CRACD: variants seen among roughly 807,000 people sequenced by gnomAD.
CRACD encodes the protein capping protein-inhibiting regulator of actin dynamics.
Under a neutral mutation model 106.8 loss-of-function variants are expected in CRACD, and 56 were observed. The ratio of observed to expected loss-of-function variants is 0.52; its 90% CI spans 0.42 to 0.66. The LOEUF (loss-of-function observed/expected upper bound fraction) is 0.66. CRACD is among the 30% of genes least tolerant of loss of function. The pLI is 0.00. For synonymous variants in CRACD, 754 were observed against 670.8 expected, an observed-to-expected ratio of 1.12 and a Z score of -1.92; for missense variants, 1,730 against 1,623.2, an observed-to-expected ratio of 1.07 and a Z score of -1.13.
chr4:56,087,904 A>C (rs920255720), intron 1 of CRACD, among the ~76,000 whole-genome samples: 2 of 152,000 alleles, frequency 1.3e-5, no homozygotes, highest in South Asian at 2.1e-4. Flanking sequence ...GTCTGCTACC[A>C]TGTCGCTAAT....
chr4:56,297,309 C>A (rs1744109798), intron 3 of CRACD, among the ~76,000 whole-genome samples: 1 of 152,170 alleles, frequency 6.6e-6, no homozygotes, highest in Non-Finnish European at 1.5e-5. Flanking sequence ...CAAGTCCAGA[C>A]TTTCAACTAA....
chr4:56,301,114 A>G (rs13124016), intron 4 of CRACD: 63,216 of 620,794 alleles, frequency 0.1, 3,854 homozygotes, highest in African/African-American at 0.23. Context: ...GGCTTTGTTC[A>G]TTCTTTGAGG....
At chr4:56,241,884 G>C (rs1232746555) in intron 2 of CRACD, among the ~76,000 whole-genome samples, 1 of 152,180 alleles carries the variant, frequency 6.6e-6, no homozygotes, top group Non-Finnish European at 1.5e-5. Context: ...ATGGCCTCAC[G>C]TGAGCAAAAC....
Position 56,149,436 on chromosome 4 carries a change from GAAAGA to G in CRACD, c.-335-29841_-335-29837del, listed in dbSNP as rs1439048336. 1.1e-4 allele frequency among the ~76,000 whole-genome samples: 17 copies of G among 152,254 alleles called. No individual in the cohort carries two copies. The East Asian group carries it at 2.1e-3, about 19-fold the overall frequency. ...TAGTTTGAGATTAGTAATAGAAATGGAAAGAAAAGAAGATTTCTTTTGTGACATTT... is the reference window on the plus strand; with the variant it reads ...TAGTTTGAGATTAGTAATAGAAATGGAAAGAAGATTTCTTTTGTGACATTT... On this transcript the variant is annotated intron_variant, in intron 1 of 10. Transcript: ENST00000682029.
chr4:56,217,278 G>T (rs1738755530), intron 2 of CRACD, among the ~76,000 whole-genome samples: 2 of 152,166 alleles, frequency 1.3e-5, no homozygotes, highest in African/African-American at 4.8e-5. Flanking sequence ...TTTTGCCAAG[G>T]TTAAGGACAT....
chr4:56,318,223 C>T lies in CRACD; in HGVS notation c.3187+1534C>T, dbSNP rs184144513. On this transcript the variant is annotated intron_variant, in intron 8 of 10. Coordinates refer to ENST00000682029, the MANE Select transcript of CRACD (RefSeq NM_001393381.1). ...TGTTGCCCAGGCTGGTCTTGAACTC[C>T]TGGGATCATGCATCCCTCCTGCCTA... Among the ~76,000 whole-genome samples, 407 of 152,198 alleles carry T rather than the reference C, an allele frequency of 2.7e-3. 3 individuals carry two copies. The highest frequency in any genetic ancestry group is 2.4e-3 in the Non-Finnish European group (166 of 68,022).
intron 1 of CRACD, among the ~76,000 whole-genome samples, chr4:56,178,275 C>T (rs576714588): frequency 2.6e-5 from 4 of 152,278 alleles, no homozygotes; most frequent in Admixed American, 1.3e-4. Flanking sequence ...GTAAGTTGGA[C>T]AAAAGGTCCG....
intron 1 of CRACD, among the ~76,000 whole-genome samples, chr4:56,164,820 TAG>T (rs1301341781): frequency 6.6e-6 from 1 of 152,202 alleles, no homozygotes; most frequent in Non-Finnish European, 1.5e-5. Flanking sequence ...AAAACTGTTA[TAG>T]AGTTTCTCAG....
intron 2 of CRACD, among the ~76,000 whole-genome samples, chr4:56,256,070 A>G (rs1741337087): frequency 1.3e-5 from 2 of 152,106 alleles, no homozygotes; most frequent in South Asian, 4.1e-4. Flanking sequence ...AGAATTTTGG[A>G]GCAAAACTCT....
chr4:56,103,697 A>T (rs1032862849), intron 1 of CRACD, among the ~76,000 whole-genome samples: 1 of 152,266 alleles, frequency 6.6e-6, no homozygotes, highest in Non-Finnish European at 1.5e-5. Context: ...AGCATTACCT[A>T]GAATGAGAGA....
intron 2 of CRACD, among the ~76,000 whole-genome samples, chr4:56,187,808 C>A (rs1427772793): frequency 6.6e-6 from 1 of 151,966 alleles, no homozygotes; most frequent in East Asian, 1.9e-4. Flanking sequence ...TCTAGGCTGA[C>A]AAAGAACAAA....
At chr4:56,251,609 A>G (rs1741060686) in intron 2 of CRACD, among the ~76,000 whole-genome samples, 1 of 152,082 alleles carries the variant, frequency 6.6e-6, no homozygotes, top group Non-Finnish European at 1.5e-5. Context: ...TTTTTTCCTT[A>G]ATTGAGAAGT....
chr4:56,214,681 C>CTCTATA, intron 2 of CRACD, among the ~76,000 whole-genome samples: 6,094 of 81,010 alleles, frequency 0.075, 433 homozygotes, highest in South Asian at 0.1. Context: ...CTCTCTCTCT[C>CTCTATA]TATATATATA....
At chr4:56,191,075 GAAT>G (rs1737348183) in intron 2 of CRACD, among the ~76,000 whole-genome samples, 1 of 152,106 alleles carries the variant, frequency 6.6e-6, no homozygotes, top group South Asian at 2.1e-4. Context: ...GAGATAAAGT[GAAT>G]AATGTATCCC....
intron 2 of CRACD, among the ~76,000 whole-genome samples, chr4:56,255,263 T>G (rs1393244179): frequency 1.3e-5 from 2 of 152,272 alleles, no homozygotes; most frequent in South Asian, 4.2e-4. Context: ...TCTAACTGAT[T>G]AGCCCATTTG....
intron 1 of CRACD, among the ~76,000 whole-genome samples, chr4:56,107,136 C>G (rs1016595940): frequency 6.6e-6 from 1 of 151,134 alleles, no homozygotes; most frequent in Non-Finnish European, 1.5e-5. Context: ...CCACATTCAG[C>G]TAATCTAAAA....
rs776810551 is a variant in CRACD at position 56,310,676 on chromosome 4, C to A, written c.296C>A (p.Thr99Lys). Residue 99 changes from threonine (T) to lysine (K), a missense_variant, in exon 6 of 11, where the codon ACG (threonine) becomes AAG (lysine). By Grantham distance (78) the Thr-to-Lys change is moderately conservative (BLOSUM62 -1). This residue lies in a region of CRACD where 1,620 missense variants were observed against 1,481.6 expected (regional missense o/e 1.09). Transcript: ENST00000682029. ...CTCTTACTGTTCCAGTCCAGTGATA[C>A]GCCAAGTTCTCTAAGTCCTCTGAAT... Reference protein sequence around the residue: ...LSDAENKSSDTPSSLSPLNLP... With the variant: ...LSDAENKSSDKPSSLSPLNLP... 1.2e-6 allele frequency: 2 copies of A among 1,610,186 alleles called. No homozygotes were observed. Among genetic ancestry groups the A allele is most frequent in the Non-Finnish European group, 1.7e-6 (2 of 1,176,508 alleles).
rs532858656 is a variant in CRACD at position 56,315,059 on chromosome 4, G to A, written c.1557G>A (p.Val519=). 30 of 1,609,226 alleles carry A rather than the reference G, an allele frequency of 1.9e-5. No homozygotes were observed. The highest frequency in any genetic ancestry group is 2.5e-5 in the Non-Finnish European group (29 of 1,178,578). The part of the protein sequence containing the change: ...EAAALEQGRK[V]EELRWQEVDE... ...CCGCCCTTGAACAAGGCCGCAAGGT[G>A]GAGGAGCTGCGGTGGCAGGAGGTGG... The change falls in exon 8 of 11, where the codon GTG becomes GTA. Residue 519 remains valine (V), a synonymous_variant. Coordinates refer to ENST00000682029, the MANE Select transcript of CRACD (RefSeq NM_001393381.1). This position sits in a 1 kb window ranked among gnomAD's most constrained non-coding sequence, Gnocchi z 4.1.
rs1739760743 is a variant in CRACD at position 56,233,381 on chromosome 4, A to G, written c.-188-38940A>G. 2.0e-5 allele frequency among the ~76,000 whole-genome samples: 3 copies of G among 152,114 alleles called. No homozygotes were observed. The South Asian group carries it at 6.2e-4, about 31-fold the overall frequency. On this transcript the variant is annotated intron_variant, in intron 2 of 10. Coordinates refer to ENST00000682029, the MANE Select transcript of CRACD (RefSeq NM_001393381.1). ...CTCAGTCTCCCGAGTAGCTGGGGCT[A>G]TAGGCATGCATCACTGTGCATAGGA... is the stretch of plus-strand genomic sequence containing the variant.
Sources: gnomAD v4.1 joint callset for allele counts (sites outside exome capture counted in the v4.1 genomes callset) on GRCh38, gnomAD v4.1.1 for gene constraint, gnomAD v4.1.1 regional missense constraint, Gnocchi (gnomAD v3.1) non-coding constraint, MANE v1.5 for transcripts, NCBI Gene and HGNC (gene_info 2026-07-23, HGNC 2026-07-21) for gene names.